The following ITGA9 variants were observed in gnomAD, a reference collection of about 807,000 sequenced individuals.
The protein encoded by ITGA9 is integrin subunit alpha 9, also known as integrin alpha-9.
A neutral mutation model predicts 127.8 loss-of-function variants in ITGA9; 56 were observed. The ratio of observed to expected loss-of-function variants is 0.44; its 90% CI spans 0.35 to 0.55. The LOEUF (loss-of-function observed/expected upper bound fraction) is 0.55. ITGA9 is among the 20% of genes least tolerant of loss of function. The pLI is 0.00. For missense variants in ITGA9, 1,196 were observed against 1,347.1 expected (o/e 0.89, Z 1.76); for synonymous variants, 508 against 514.5 (o/e 0.99, Z 0.17).
At chr3:37,784,514 GAA>G (rs1490245281) in intron 25 of ITGA9, among the ~76,000 whole-genome samples, 1 of 152,174 alleles carries the variant, frequency 6.6e-6, no homozygotes, top group Non-Finnish European at 1.5e-5. Flanking sequence ...TAAGAGCAAA[GAA>G]AGAGTTAAAA....
chr3:37,808,706 G>C (rs1414184807), intron 27 of ITGA9: 3 of 152,162 alleles, frequency 2.0e-5, no homozygotes, highest in African/African-American at 2.4e-5. Context: ...GCATTTACCT[G>C]GTGGCTAAGC....
chr3:37,702,104 G>A (rs1013774246), intron 18 of ITGA9, among the ~76,000 whole-genome samples: 14 of 152,180 alleles, frequency 9.2e-5, no homozygotes, highest in Admixed American at 4.6e-4. Context: ...ACATGCATGA[G>A]CCACTTAGAA....
chr3:37,649,469 T>A (rs1700409818), intron 16 of ITGA9, among the ~76,000 whole-genome samples: 1 of 152,150 alleles, frequency 6.6e-6, no homozygotes, highest in Non-Finnish European at 1.5e-5. Flanking sequence ...TCAAAAACTG[T>A]CTCTAGAGAC....
At chr3:37,598,571 G>C (rs1699889315) in intron 15 of ITGA9, among the ~76,000 whole-genome samples, 1 of 152,180 alleles carries the variant, frequency 6.6e-6, no homozygotes, top group African/African-American at 2.4e-5. Flanking sequence ...TCTTGGCACA[G>C]AATGAGGTCA....
intron 15 of ITGA9, among the ~76,000 whole-genome samples, chr3:37,565,876 G>GT (rs1031830991): frequency 2.0e-5 from 3 of 152,168 alleles, no homozygotes; most frequent in African/African-American, 7.2e-5. Flanking sequence ...GTTGGGAACT[G>GT]TTTCGCCAGA....
Position 37,709,518 on chromosome 3 carries a change from G to C in ITGA9, c.2068-23194G>C, listed in dbSNP as rs367691558. Among the ~76,000 whole-genome samples the C allele has an allele frequency of 3.3e-5, 5 of 152,350 alleles. No homozygotes were observed. The East Asian group carries it at 5.8e-4, about 18-fold the overall frequency. ...ATAGGGACCAAATAAGTGAGTCCAT[G>C]CTTTGGAAATGATGACCTGAGAGTG... On this transcript the variant is annotated intron_variant, in intron 18 of 27. Transcript: ENST00000264741.
At chr3:37,704,825 A>G (rs189805964) in intron 18 of ITGA9, among the ~76,000 whole-genome samples, 114 of 152,362 alleles carry the variant, frequency 7.5e-4, no homozygotes, top group Non-Finnish European at 1.4e-3. Context: ...CCTAGTGTGC[A>G]GAGTACAATG....
intron 15 of ITGA9, among the ~76,000 whole-genome samples, chr3:37,569,491 G>A (rs1699580335): frequency 6.6e-6 from 1 of 152,210 alleles, no homozygotes; most frequent in Non-Finnish European, 1.5e-5. Flanking sequence ...ATGTGTAAAG[G>A]AGATATTGAT....
intron 15 of ITGA9, among the ~76,000 whole-genome samples, chr3:37,588,141 G>A (rs746510278): frequency 4.6e-5 from 7 of 152,200 alleles, no homozygotes; most frequent in Non-Finnish European, 7.3e-5. Flanking sequence ...TCCACTTAGC[G>A]AATATCTAAA....
chr3:37,802,435 C>T (rs1304645130), intron 26 of ITGA9, among the ~76,000 whole-genome samples: 2 of 152,162 alleles, frequency 1.3e-5, no homozygotes, highest in Non-Finnish European at 2.9e-5. Context: ...TTAGAAAAGA[C>T]TTTCCCAAAG....
chr3:37,490,743 T>A (rs558425309), intron 4 of ITGA9, among the ~76,000 whole-genome samples: 1 of 152,294 alleles, frequency 6.6e-6, no homozygotes, highest in South Asian at 2.1e-4. Context: ...TGAATTGCCT[T>A]CTGTTTAGAC....
At chr3:37,700,233 C>T (rs1010832405) in intron 18 of ITGA9, among the ~76,000 whole-genome samples, 1 of 152,304 alleles carries the variant, frequency 6.6e-6, no homozygotes, top group South Asian at 2.1e-4. Context: ...ATCCTCCCTC[C>T]TTGGCCTCCC....
Position 37,780,027 on chromosome 3 carries a change from C to T in ITGA9, c.2787+6C>T. 1 of 1,613,710 alleles carries T rather than the reference C, an allele frequency of 6.2e-7. No homozygotes were observed. On this transcript the variant is annotated splice_donor_region_variant and intron_variant, in intron 25 of 27. Transcript: ENST00000264741. The stretch of plus-strand genomic sequence containing the variant: ...ACACAGAAATACTGAAAAAGGTAAG[C>T]CCTAATGAACCGCACTTGTGGATGC...
chr3:37,693,715 C>A (rs543120811), intron 18 of ITGA9, among the ~76,000 whole-genome samples: 2 of 152,248 alleles, frequency 1.3e-5, no homozygotes, highest in South Asian at 4.1e-4. Flanking sequence ...GGCAGGAGAA[C>A]AAAGCAAATT....
chr3:37,743,493 A>G (rs771185590), intron 21 of ITGA9, among the ~76,000 whole-genome samples: 13 of 152,198 alleles, frequency 8.5e-5, no homozygotes, highest in Non-Finnish European at 1.3e-4. Context: ...TGATAAATTT[A>G]AGTTTTTTAA....
intron 15 of ITGA9, among the ~76,000 whole-genome samples, chr3:37,582,204 G>T (rs1699716012): frequency 6.6e-6 from 1 of 152,198 alleles, no homozygotes; most frequent in Non-Finnish European, 1.5e-5. Context: ...TTAGAGCCTA[G>T]ATAAAAGTGT....
At chr3:37,554,146 G>A (rs758570149) in intron 15 of ITGA9, among the ~76,000 whole-genome samples, 38 of 152,072 alleles carry the variant, frequency 2.5e-4, no homozygotes, top group Admixed American at 6.5e-4. Context: ...AAATTAAGGT[G>A]CATTAGAAGG....
At chr3:37,513,151 G>A (rs952943251) in intron 8 of ITGA9, among the ~76,000 whole-genome samples, 1 of 139,168 alleles carries the variant, frequency 7.2e-6, no homozygotes, top group Admixed American at 6.8e-5. Flanking sequence ...GCTTGGCCTT[G>A]TCAAATGTCT....
chr3:37,795,629 G>T (rs1697162627), intron 26 of ITGA9, among the ~76,000 whole-genome samples: 1 of 152,146 alleles, frequency 6.6e-6, no homozygotes, highest in South Asian at 2.1e-4. Context: ...AGCGTCCAGT[G>T]TGTGAGCCCT....
Sources: gnomAD v4.1 joint callset for allele counts (sites outside exome capture counted in the v4.1 genomes callset) on GRCh38, gnomAD v4.1.1 for gene constraint, MANE v1.5 for transcripts, NCBI Gene and HGNC (gene_info 2026-07-23, HGNC 2026-07-21) for gene names.